The following ABCA12 variants were observed in gnomAD, a reference collection of about 807,000 sequenced individuals.
The protein encoded by ABCA12 is ATP binding cassette subfamily A member 12, also known as glucosylceramide transporter ABCA12.
ABCA12 carries 156 observed loss-of-function variants against 293.5 expected under a neutral mutation model. The ratio of observed to expected loss-of-function variants is 0.53; its 90% CI spans 0.47 to 0.61. ABCA12 has a LOEUF of 0.61. Ranked by LOEUF, ABCA12 falls within the 20% of genes least tolerant of loss-of-function variation. The probability of loss-of-function intolerance (pLI) is 0.00; values close to 1 mark genes in which losing one functional copy is unlikely to be tolerated. For missense variants in ABCA12, 2,797 were observed against 3,090.2 expected (o/e 0.91, Z 2.25); for synonymous variants, 1,063 against 1,108.0 (o/e 0.96, Z 0.81).
In ABCA12 at chr2:214,980,776, T is replaced by G. The variant is rs931432148; in HGVS notation, c.4580-133A>C. ...TTCATGAGCTAACTGAAAAACTGACTGACCTCAAAGAGCTTCCAAAATGAT... is the reference window on the plus strand; with the variant it reads ...TTCATGAGCTAACTGAAAAACTGACGGACCTCAAAGAGCTTCCAAAATGAT... On this transcript the variant is annotated intron_variant, in intron 30 of 52. Transcript: ENST00000272895. The G allele has an allele frequency of 4.8e-5, 58 of 1,200,572 alleles. No individual in the cohort carries two copies. The African/African-American group carries it at 8.0e-4, about 17-fold the overall frequency. The allele number at this position is 1,200,572 out of a possible 1,614,324, so 74.4% of individuals were successfully genotyped here.
intron 9 of ABCA12, among the ~76,000 whole-genome samples, chr2:215,027,286 C>A (rs1026039509): frequency 1.3e-5 from 2 of 151,956 alleles, no homozygotes; most frequent in Non-Finnish European, 2.9e-5. Context: ...GCGGAGCTTG[C>A]AGTGAGTCGA....
In ABCA12 at chr2:215,026,709, T is replaced by G. The variant is rs987081478; in HGVS notation, c.1180+111A>C. 5.7e-5 allele frequency: 51 copies of G among 902,214 alleles called. No individual in the cohort carries two copies. The South Asian group carries it at 6.3e-4, about 11-fold the overall frequency. 55.9% of individuals were successfully genotyped at this position (902,214 alleles called of 1,614,324 possible). Reference sequence around the variant, plus strand: ...GACTGAAACTGATGCATATGGAAACTAAGATTTTACAAATTTTCTTTCCTG... The same window carrying G: ...GACTGAAACTGATGCATATGGAAACGAAGATTTTACAAATTTTCTTTCCTG... On this transcript the variant is annotated intron_variant, in intron 10 of 52. Transcript: ENST00000272895.
intron 1 of ABCA12, among the ~76,000 whole-genome samples, chr2:215,131,748 G>T: frequency 9.5e-6 from 1 of 104,870 alleles, no homozygotes. Flanking sequence ...TATTTTTGCT[G>T]TGATCTGTGT....
intron 2 of ABCA12, among the ~76,000 whole-genome samples, chr2:215,092,144 C>T (rs750236941): frequency 1.8e-4 from 27 of 152,110 alleles, no homozygotes; most frequent in Non-Finnish European, 3.7e-4. Flanking sequence ...AGGGTAAGTC[C>T]GTTCCCTTCT....
intron 6 of ABCA12, among the ~76,000 whole-genome samples, chr2:215,047,728 G>A (rs922343277): frequency 4.6e-5 from 7 of 152,072 alleles, no homozygotes; most frequent in African/African-American, 9.7e-5. Context: ...CTGGAAGACA[G>A]CCTAGGCAAC....
chr2:215,065,995 C>G (rs183811616), intron 2 of ABCA12, among the ~76,000 whole-genome samples: 1 of 152,032 alleles, frequency 6.6e-6, no homozygotes, highest in Non-Finnish European at 1.5e-5. Flanking sequence ...AATGTTAAAC[C>G]TAAGTGAAAA....
At chr2:214,964,199 C>T (rs1187282394) in intron 39 of ABCA12, among the ~76,000 whole-genome samples, 1 of 151,250 alleles carries the variant, frequency 6.6e-6, no homozygotes, top group Non-Finnish European at 1.5e-5. Context: ...TTGTTAAAAA[C>T]TCAAACTAGG....
chr2:215,118,577 A>AGTATAAATATAAACAT (rs1298739624), intron 1 of ABCA12, among the ~76,000 whole-genome samples: 2 of 152,192 alleles, frequency 1.3e-5, no homozygotes, highest in Non-Finnish European at 2.9e-5. Flanking sequence ...GGAAATTTAG[A>AGTATAAATATAAACAT]GTATAAATAT....
intron 2 of ABCA12, among the ~76,000 whole-genome samples, chr2:215,069,540 T>C (rs1559176725): frequency 6.6e-6 from 1 of 152,166 alleles, no homozygotes; most frequent in Non-Finnish European, 1.5e-5. Flanking sequence ...AAAAGACAAG[T>C]TAAATTGTAA....
At chr2:215,033,935 C>T (rs13430931) in intron 8 of ABCA12, among the ~76,000 whole-genome samples, 4,801 of 151,050 alleles carry the variant, frequency 0.032, 256 homozygotes, top group African/African-American at 0.11. Context: ...AGTGAGACTC[C>T]GTCTCAAAAA....
Position 215,054,589 on chromosome 2 carries a change from TC to T in ABCA12, c.392del (p.Arg131LysfsTer6). 9 of 1,611,880 alleles carry T rather than the reference TC, an allele frequency of 5.6e-6. No homozygotes were observed. The highest frequency in any genetic ancestry group is 7.6e-6 in the Non-Finnish European group (9 of 1,178,366). On this transcript the variant is annotated frameshift_variant, in exon 4 of 53. Transcript: ENST00000272895. LOFTEE classifies it high-confidence loss of function. ...ATAGCTTACCTAGTGATGCATGCCTTCTTTCTGGAACTTGGGTGCTCTGGAA... is the reference window on the plus strand; with the variant it reads ...ATAGCTTACCTAGTGATGCATGCCTTTTTCTGGAACTTGGGTGCTCTGGAA... ...LSFQSTQVPE[R>X]RHASLATVFP...
Position 214,931,903 on chromosome 2 carries a change from CT to C in ABCA12, c.*730del. The C allele has an allele frequency of 6.6e-6, 1 of 152,244 alleles. No individual in the cohort carries two copies. Among genetic ancestry groups the C allele is most frequent in the East Asian group, 1.9e-4 (1 of 5,152 alleles). The allele number at this position is 152,244 out of a possible 1,614,324, so 9.4% of individuals were successfully genotyped here. A position where few individuals can be genotyped will look rare whatever the true frequency, so the allele number is the denominator to read the frequency against. On this transcript the variant is annotated 3_prime_UTR_variant, in exon 53 of 53. Coordinates refer to ENST00000272895, the MANE Select transcript of ABCA12 (RefSeq NM_173076.3). Reference sequence around the variant, plus strand: ...ACCCAGCTGACACACCCATTCCCCCCTCCCTTCCCCCCAGAGCAAGTGATTT... The same window carrying C: ...ACCCAGCTGACACACCCATTCCCCCCCCCTTCCCCCCAGAGCAAGTGATTT...
rs1445487352 is a variant in ABCA12 at position 214,975,999 on chromosome 2, C to T, written c.5167G>A (p.Gly1723Arg). The T allele has an allele frequency of 6.2e-7, 1 of 1,613,962 alleles. No homozygotes were observed. Residue 1723 changes from glycine to arginine, a missense_variant, in exon 34 of 53, where the codon GGA becomes AGA. Around this residue, in one of 3 missense-constraint regions of ABCA12, gnomAD observed 2,130 missense variants for 2,427.0 expected, o/e 0.88. Transcript: ENST00000272895. ...LTRGERLDGF[G>R]LLLKKIMAIL... The stretch of plus-strand genomic sequence containing the variant: ...GCCATGATCTTCTTCAGCAACAGTC[C>T]AAAGCCATCCAGCCTCTCTCCTCTT...
chr2:214,992,131 TTC>T (rs1203860982), intron 23 of ABCA12, among the ~76,000 whole-genome samples: 1 of 152,084 alleles, frequency 6.6e-6, no homozygotes, highest in African/African-American at 2.4e-5. Flanking sequence ...ATATCCTGGT[TTC>T]TAATTTTAAC....
chr2:215,090,211 T>C (rs1289906988), intron 2 of ABCA12, among the ~76,000 whole-genome samples: 3 of 152,210 alleles, frequency 2.0e-5, no homozygotes, highest in Non-Finnish European at 4.4e-5. Flanking sequence ...GCTGACTCTC[T>C]TTTCGGAATC....
intron 4 of ABCA12, among the ~76,000 whole-genome samples, chr2:215,052,796 T>C (rs766387591): frequency 6.6e-6 from 1 of 152,146 alleles, no homozygotes; most frequent in Non-Finnish European, 1.5e-5. Flanking sequence ...CTTTGGTCTG[T>C]TCTTGTTGTT....
intron 22 of ABCA12, among the ~76,000 whole-genome samples, chr2:214,999,347 A>G (rs1486484430): frequency 1.3e-5 from 2 of 152,254 alleles, no homozygotes; most frequent in South Asian, 4.1e-4. Flanking sequence ...TCTTATAAAC[A>G]GGAGGACTAG....
intron 50 of ABCA12, among the ~76,000 whole-genome samples, chr2:214,940,190 T>C (rs1698351392): frequency 6.6e-6 from 1 of 152,214 alleles, no homozygotes; most frequent in Non-Finnish European, 1.5e-5. Flanking sequence ...TTGAATTTTA[T>C]TGAAGGTCTA....
At chr2:215,019,481 A>C in intron 12 of ABCA12, 33 bp from the exon 13 acceptor site, 2 of 1,613,126 alleles carry the variant, frequency 1.2e-6, no homozygotes, top group Non-Finnish European at 1.7e-6. Context: ...AAATTCAACT[A>C]AGTATTTCAA....
Sources: gnomAD v4.1 joint callset for allele counts (sites outside exome capture counted in the v4.1 genomes callset) on GRCh38, gnomAD v4.1.1 for gene constraint, gnomAD v4.1.1 regional missense constraint, MANE v1.5 for transcripts, NCBI Gene and HGNC (gene_info 2026-07-23, HGNC 2026-07-21) for gene names.